CACNB4: variants seen among roughly 807,000 people sequenced by gnomAD.
CACNB4 encodes the protein calcium voltage-gated channel auxiliary subunit beta 4.
In CACNB4, 32 loss-of-function variants were observed where a neutral mutation model predicts 71.2. That is an observed-to-expected ratio of 0.45 (90% confidence interval 0.34 to 0.60). CACNB4 has a LOEUF of 0.60. Ranked by LOEUF, CACNB4 falls within the 20% of genes least tolerant of loss-of-function variation. CACNB4 has a pLI of 0.01. For synonymous variants in CACNB4, 231 were observed against 236.9 expected (o/e 0.97, Z 0.23); for missense variants, 464 against 647.9 (o/e 0.72, Z 3.08).
In CACNB4 at chr2:151,855,404, G is replaced by A. The variant is rs545825272; in HGVS notation, c.869-29C>T. On this transcript the variant is annotated intron_variant, in intron 10 of 13. Coordinates refer to ENST00000539935, the MANE Select transcript of CACNB4 (RefSeq NM_000726.5). ...AAAGGAAAAATAATAAATAGATCCC[G>A]GTTATTGTTATGAATTAGTTCTTAC... The A allele has an allele frequency of 4.2e-5, 63 of 1,515,970 alleles. No homozygotes were observed. The East Asian group carries it at 1.0e-3, about 24-fold the overall frequency. 93.9% of individuals were successfully genotyped at this position (1,515,970 alleles called of 1,614,324 possible).
intron 2 of CACNB4, among the ~76,000 whole-genome samples, chr2:152,010,161 CT>C (rs1682974336): frequency 1.3e-5 from 2 of 152,304 alleles, no homozygotes; most frequent in South Asian, 4.1e-4. Context: ...CTCCAATAAG[CT>C]TCTTCGTTGA....
intron 2 of CACNB4, among the ~76,000 whole-genome samples, chr2:151,966,368 C>T (rs972928582): frequency 3.9e-5 from 6 of 152,130 alleles, no homozygotes; most frequent in Non-Finnish European, 7.3e-5. Context: ...CAATCTCTGC[C>T]TCCCAGGGTT....
chr2:152,013,114 G>T (rs891877800), intron 2 of CACNB4, among the ~76,000 whole-genome samples: 6 of 152,196 alleles, frequency 3.9e-5, no homozygotes, highest in Non-Finnish European at 7.3e-5. Flanking sequence ...AGGAGCAACA[G>T]GCTATACCAC....
intron 2 of CACNB4, among the ~76,000 whole-genome samples, chr2:152,035,630 C>CCTCTCTCTCTCTCTCTCTCTCTCTCT (rs369495604): frequency 4.3e-5 from 4 of 93,290 alleles, no homozygotes; most frequent in Admixed American, 1.3e-4. Context: ...CCTCCCTCTC[C>CCTCTCTCTCTCTCTCTCTCTCTCTCT]CTCTCTCTCT....
chr2:151,979,086 C>T (rs979906462), intron 2 of CACNB4, among the ~76,000 whole-genome samples: 5 of 152,076 alleles, frequency 3.3e-5, no homozygotes, highest in African/African-American at 1.2e-4. Flanking sequence ...ACTCCTGGAC[C>T]ACCCCACCCT....
rs946170724 is a variant in CACNB4 at position 151,855,347 on chromosome 2, G to A, written c.897C>T (p.Ile299=). ...GTTGCAAAGATCTTGCCAACTCAAA[G>A]ATTCTTTCAATTTCACTTTGTACTT... ...LAEVQSEIER[I]FELARSLQLV... is the part of the protein sequence containing the mutation. Residue 299 remains isoleucine, a synonymous_variant, in exon 11 of 14, where the codon ATC becomes ATT. Coordinates refer to ENST00000539935, the MANE Select transcript of CACNB4 (RefSeq NM_000726.5). The A allele has an allele frequency of 6.3e-7, 1 of 1,596,242 alleles. No individual in the cohort carries two copies. The highest frequency in any genetic ancestry group is 1.7e-5 in the Admixed American group (1 of 59,744).
intron 2 of CACNB4, among the ~76,000 whole-genome samples, chr2:151,913,503 C>T (rs150240450): frequency 0.011 from 1,634 of 152,060 alleles, 28 homozygotes; most frequent in African/African-American, 0.036. Context: ...TGGTGGCTCA[C>T]GCCTGTAATC....
intron 2 of CACNB4, among the ~76,000 whole-genome samples, chr2:152,021,209 T>A (rs552123997): frequency 6.6e-6 from 1 of 152,326 alleles, no homozygotes; most frequent in Admixed American, 6.5e-5. Flanking sequence ...ATTGCATCAC[T>A]GCGCTCCAGC....
chr2:151,862,850 C>T (rs539472286), intron 9 of CACNB4, among the ~76,000 whole-genome samples: 1 of 152,170 alleles, frequency 6.6e-6, no homozygotes, highest in Admixed American at 6.5e-5. Context: ...CAGTGTTCTA[C>T]AAGCCCGAAT....
intron 5 of CACNB4, 71 bp from the exon 6 acceptor site, chr2:151,872,564 C>G: frequency 1.2e-6 from 1 of 817,408 alleles, no homozygotes; most frequent in Non-Finnish European, 2.1e-6. Flanking sequence ...GAGTACAAAG[C>G]TTTCTTTGGC....
intron 5 of CACNB4, among the ~76,000 whole-genome samples, chr2:151,875,457 A>G (rs1488710406): frequency 2.0e-5 from 3 of 151,796 alleles, no homozygotes; most frequent in Non-Finnish European, 4.4e-5. Context: ...CCCCTTTTCT[A>G]TTCCACAAAA....
intron 2 of CACNB4, among the ~76,000 whole-genome samples, chr2:151,983,824 C>T (rs985883025): frequency 4.6e-5 from 7 of 152,030 alleles, no homozygotes; most frequent in Admixed American, 2.6e-4. Context: ...ATAAATCTTT[C>T]GCAGCCATGT....
chr2:152,098,255 C>T lies in CACNB4; in HGVS notation c.147+75G>A. 1.6e-6 allele frequency: 2 copies of T among 1,213,118 alleles called. No individual in the cohort carries two copies. The highest frequency in any genetic ancestry group is 1.2e-6 in the Non-Finnish European group (1 of 820,562). 75.1% of individuals were successfully genotyped at this position (1,213,118 alleles called of 1,614,324 possible). On this transcript the variant is annotated intron_variant, in intron 2 of 13. Transcript: ENST00000539935. This position sits in a 1 kb window ranked among gnomAD's most constrained non-coding sequence, Gnocchi z 5.3. ...ACCCGCAGCTCCCGCACGTGTGGGC[C>T]ACGGCCGGCTCCAGGACCCCCGCGC...
At chr2:151,909,765 C>A (rs1334778040) in intron 2 of CACNB4, among the ~76,000 whole-genome samples, 2 of 152,266 alleles carry the variant, frequency 1.3e-5, no homozygotes, top group East Asian at 3.9e-4. Flanking sequence ...CATAGTATCC[C>A]ATGGTGGATA....
intron 2 of CACNB4, among the ~76,000 whole-genome samples, chr2:151,940,524 T>C (rs2151629830): frequency 6.6e-6 from 1 of 152,330 alleles, no homozygotes; most frequent in South Asian, 2.1e-4. Flanking sequence ...TGAGTGCTAG[T>C]AGTTTCATCA....
chr2:152,076,787 G>A (rs549751805), intron 2 of CACNB4, among the ~76,000 whole-genome samples: 115 of 152,272 alleles, frequency 7.6e-4, no homozygotes, highest in Middle Eastern at 3.4e-3. Context: ...CTTATATGGC[G>A]TTCCTGATGC....
chr2:152,099,063 G>GC (rs1407030538), upstream of CACNB4: 3 of 1,302,746 alleles, frequency 2.3e-6, no homozygotes, highest in Admixed American at 2.8e-5. Flanking sequence ...GAGGGGGCTG[G>GC]CCCCCGAGGC....
chr2:151,959,902 C>T (rs1448843236), intron 2 of CACNB4, among the ~76,000 whole-genome samples: 4 of 152,126 alleles, frequency 2.6e-5, no homozygotes, highest in Admixed American at 2.0e-4. Flanking sequence ...CACAGACACA[C>T]ATAGTTATTC....
intron 2 of CACNB4, among the ~76,000 whole-genome samples, chr2:152,014,596 T>C (rs892242870): frequency 9.9e-5 from 15 of 151,946 alleles, no homozygotes; most frequent in African/African-American, 3.6e-4. Context: ...CTGGGTGTGG[T>C]GGCAGGCACC....
Sources: allele counts gnomAD v4.1 joint callset (sites outside exome capture counted in the v4.1 genomes callset), GRCh38; gene constraint gnomAD v4.1.1; non-coding constraint Gnocchi (gnomAD v3.1); transcripts MANE v1.5; gene names NCBI Gene and HGNC (gene_info 2026-07-23, HGNC 2026-07-21).